PSMD12: variants seen among roughly 807,000 people sequenced by gnomAD.
The protein encoded by PSMD12 is 26S proteasome non-ATPase regulatory subunit 12.
PSMD12 carries 8 observed loss-of-function variants against 62.9 expected under a neutral mutation model. The observed-to-expected ratio is 0.13, with a 90% CI of 0.07 to 0.23. The LOEUF (loss-of-function observed/expected upper bound fraction) is 0.23. Ranked by LOEUF, PSMD12 falls within the 10% of genes least tolerant of loss-of-function variation. The pLI, the probability that PSMD12 is intolerant of heterozygous loss-of-function variation, is 1.00. For missense variants in PSMD12, 424 were observed against 550.2 expected (o/e 0.77, Z 2.29); for synonymous variants, 173 against 187.4 (o/e 0.92, Z 0.63).
intron 4 of PSMD12, among the ~76,000 whole-genome samples, chr17:67,349,687 A>G (rs555790090): frequency 6.6e-6 from 1 of 152,352 alleles, no homozygotes; most frequent in African/African-American, 2.4e-5. Context: ...TTTGCTAGGT[A>G]TTAAAGTTGT....
intron 7 of PSMD12, 108 bp from the exon 8 acceptor site, chr17:67,345,965 C>A: frequency 9.7e-7 from 1 of 1,033,998 alleles, no homozygotes; most frequent in African/African-American, 1.6e-5. Context: ...ATTTTAAAGT[C>A]TTGGCCGGGC....
rs1051624155 is a variant in PSMD12, at chr17:67,340,607, A to G, written c.*236T>C. 4.3e-5 allele frequency: 17 copies of G among 395,378 alleles called. No homozygotes were observed. The highest frequency in any genetic ancestry group is 3.7e-4 in the Admixed American group (8 of 21,544). 24.5% of individuals were successfully genotyped at this position (395,378 alleles called of 1,614,324 possible). On this transcript the variant is annotated 3_prime_UTR_variant, in exon 11 of 11. Coordinates refer to ENST00000356126, the MANE Select transcript of PSMD12 (RefSeq NM_002816.5). ...ATAGAAAAACATATCTGGGTAAGTT[A>G]TGACACAACTTTTTGTGTATTCAGA...
At chr17:67,347,534 G>A in intron 5 of PSMD12, 49 bp from the exon 6 acceptor site, 1 of 1,510,102 alleles carries the variant, frequency 6.6e-7, no homozygotes, top group South Asian at 1.2e-5. Context: ...GCAATTTTGT[G>A]AATTGCAATA....
chr17:67,366,235 G>A (rs2042177727), intron 1 of PSMD12, among the ~76,000 whole-genome samples, 177 bp downstream of exon 1: 1 of 152,186 alleles, frequency 6.6e-6, no homozygotes, highest in East Asian at 1.9e-4. Context: ...AGGCGCTGGC[G>A]TACTCCGCAG....
chr17:67,349,112 C>G (rs533715788), intron 4 of PSMD12, among the ~76,000 whole-genome samples: 1 of 152,312 alleles, frequency 6.6e-6, no homozygotes, highest in South Asian at 2.1e-4. Context: ...CTCTACCTCC[C>G]GGGTTCAACT....
At chr17:67,366,227 G>A (rs1032306183) in intron 1 of PSMD12, among the ~76,000 whole-genome samples, 185 bp downstream of exon 1, 14 of 152,194 alleles carry the variant, frequency 9.2e-5, no homozygotes, top group Admixed American at 3.9e-4. Context: ...GAAGCTATAG[G>A]CGCTGGCGTA....
At chr17:67,347,006 A>G in intron 7 of PSMD12, 110 bp downstream of exon 7, 2 of 1,163,944 alleles carry the variant, frequency 1.7e-6, no homozygotes, top group Non-Finnish European at 2.4e-6. Context: ...AATAGAAAGC[A>G]GCACCATACA....
chr17:67,365,249 G>A (rs1567963391), intron 1 of PSMD12, among the ~76,000 whole-genome samples: 2 of 151,830 alleles, frequency 1.3e-5, no homozygotes, highest in Non-Finnish European at 2.9e-5. Context: ...ACAGCATGGT[G>A]TGTGAGGGCA....
chr17:67,356,325 G>A (rs897259076), intron 3 of PSMD12, among the ~76,000 whole-genome samples: 4 of 151,574 alleles, frequency 2.6e-5, no homozygotes, highest in Non-Finnish European at 5.9e-5. Context: ...TTGGGAGGCC[G>A]AGGCGGGCGG....
chr17:67,346,496 C>T (rs1447073068), intron 7 of PSMD12, among the ~76,000 whole-genome samples: 4 of 151,092 alleles, frequency 2.6e-5, no homozygotes, highest in Middle Eastern at 3.4e-3. Context: ...ATCCGGGAGG[C>T]GGAGGTTGCA....
intron 3 of PSMD12, among the ~76,000 whole-genome samples, chr17:67,351,672 C>T (rs2143706827): frequency 6.6e-6 from 1 of 151,976 alleles, no homozygotes; most frequent in South Asian, 2.1e-4. Context: ...CTCTAGCGAA[C>T]CTATCACCCA....
intron 1 of PSMD12, among the ~76,000 whole-genome samples, chr17:67,361,827 G>GAAGCAGGA (rs2042130594): frequency 8.0e-6 from 1 of 124,786 alleles, no homozygotes; most frequent in Non-Finnish European, 1.6e-5. Flanking sequence ...TCAGAAAGCT[G>GAAGCAGGA]AAGCAGGAAG....
At chr17:67,354,124 CA>C (rs1468703149) in intron 3 of PSMD12, among the ~76,000 whole-genome samples, 1 of 152,168 alleles carries the variant, frequency 6.6e-6, no homozygotes, top group African/African-American at 2.4e-5. Flanking sequence ...TTAACAGGGC[CA>C]GGGGCCAGGC....
Position 67,356,826 on chromosome 17 carries a change from T to C in PSMD12, c.297+477A>G, listed in dbSNP as rs1020642087. Among the ~76,000 whole-genome samples, 8 of 151,766 alleles carry C rather than the reference T, an allele frequency of 5.3e-5. No individual in the cohort carries two copies. In the South Asian group the frequency reaches 1.7e-3, roughly 32 times the overall value. On this transcript the variant is annotated intron_variant, in intron 3 of 10. Coordinates refer to ENST00000356126, the MANE Select transcript of PSMD12 (RefSeq NM_002816.5). ...AGGAGTTTGAGACCAGCCTGGGTAATATAGTGAGACCTCATCTCTACAAAA... is the reference window on the plus strand; with the variant it reads ...AGGAGTTTGAGACCAGCCTGGGTAACATAGTGAGACCTCATCTCTACAAAA...
intron 3 of PSMD12, among the ~76,000 whole-genome samples, chr17:67,354,036 C>G (rs2042044031): frequency 6.6e-6 from 1 of 152,182 alleles, no homozygotes; most frequent in African/African-American, 2.4e-5. Context: ...AATAGGGTGC[C>G]AAGGGCAAGA....
At chr17:67,349,053 C>T (rs1348012853) in intron 4 of PSMD12, among the ~76,000 whole-genome samples, 1 of 152,156 alleles carries the variant, frequency 6.6e-6, no homozygotes, top group African/African-American at 2.4e-5. Flanking sequence ...GAGTTTCGCT[C>T]TTGTTGCCCA....
chr17:67,358,454 G>C (rs1394888271), intron 1 of PSMD12, among the ~76,000 whole-genome samples: 3 of 151,126 alleles, frequency 2.0e-5, no homozygotes, highest in African/African-American at 7.3e-5. Flanking sequence ...TGTAGTCCCA[G>C]CTACTCTGGA....
intron 3 of PSMD12, among the ~76,000 whole-genome samples, chr17:67,356,777 A>C (rs1046656201): frequency 6.6e-6 from 1 of 151,954 alleles, no homozygotes; most frequent in African/African-American, 2.4e-5. Context: ...TTGAGAGGCC[A>C]AGGCAGAGGG....
chr17:67,365,978 C>G (rs773158605), intron 1 of PSMD12, among the ~76,000 whole-genome samples: 22 of 152,190 alleles, frequency 1.4e-4, no homozygotes, highest in Non-Finnish European at 3.2e-4. Flanking sequence ...CCTGCCCCTT[C>G]TCCTGGCCAA....
Sources: allele counts gnomAD v4.1 joint callset (sites outside exome capture counted in the v4.1 genomes callset), GRCh38; gene constraint gnomAD v4.1.1; transcripts MANE v1.5; gene names NCBI Gene and HGNC (gene_info 2026-07-23, HGNC 2026-07-21).